The following FOXK1 variants were observed in gnomAD, a reference collection of about 807,000 sequenced individuals.
FOXK1 encodes forkhead box K1.
Under a neutral mutation model 51.9 loss-of-function variants are expected in FOXK1, and 19 were observed. The ratio of observed to expected loss-of-function variants is 0.37; its 90% CI spans 0.26 to 0.54. The LOEUF (loss-of-function observed/expected upper bound fraction) is 0.54, where lower values mean the gene tolerates loss of function less well. Ranked by LOEUF, FOXK1 falls within the 20% of genes least tolerant of loss-of-function variation. FOXK1 has a pLI of 0.87. For missense variants in FOXK1, 870 were observed against 1,032.7 expected (o/e 0.84, Z 2.16); for synonymous variants, 537 against 482.6 (o/e 1.11, Z -1.48).
intron 1 of FOXK1, among the ~76,000 whole-genome samples, chr7:4,701,160 GC>G (rs1274862352): frequency 6.6e-6 from 1 of 152,220 alleles, no homozygotes; most frequent in Non-Finnish European, 1.5e-5. Context: ...GCTCCCTGCG[GC>G]TGTGAAGGCT....
Position 4,682,497 on chromosome 7 carries a change from C to A in FOXK1, c.189C>A (p.Gly63=). 1 of 1,024,356 alleles carries A rather than the reference C, an allele frequency of 9.8e-7. No homozygotes were observed. The highest frequency in any genetic ancestry group is 1.2e-6 in the Non-Finnish European group (1 of 857,438). 63.5% of individuals were successfully genotyped at this position (1,024,356 alleles called of 1,614,324 possible). ...CGCCGCCACCGCCGCTGCCTCCGGGCGCGATCGCGGGCGCGGGCTCCTCCG... is the reference window on the plus strand; with the variant it reads ...CGCCGCCACCGCCGCTGCCTCCGGGAGCGATCGCGGGCGCGGGCTCCTCCG... The part of the protein sequence containing the change: ...PPPPPPPLPP[G]AIAGAGSSGG... The change falls in exon 1 of 9, where the codon GGC becomes GGA. Residue 63 remains glycine (G), a synonymous_variant. Coordinates refer to ENST00000328914, the MANE Select transcript of FOXK1 (RefSeq NM_001037165.2). The surrounding 1 kb of genome is among the most constrained non-coding windows in gnomAD (Gnocchi z 7.6).
chr7:4,705,488 G>A (rs759191274), intron 1 of FOXK1, among the ~76,000 whole-genome samples: 30 of 151,072 alleles, frequency 2.0e-4, no homozygotes, highest in Non-Finnish European at 3.4e-4. Context: ...GGCCTTAAGT[G>A]AGAATTCTTC....
intron 1 of FOXK1, among the ~76,000 whole-genome samples, chr7:4,737,293 C>T (rs1211408718): frequency 6.6e-6 from 1 of 152,216 alleles, no homozygotes; most frequent in Non-Finnish European, 1.5e-5. Context: ...AATAGGAGAA[C>T]ATGGTCTGTT....
chr7:4,759,538 G>T lies in FOXK1; in HGVS notation c.1639G>T (p.Gly547Trp). Residue 547 changes from glycine to tryptophan, a missense_variant, in exon 7 of 9, where the codon GGG becomes TGG. Physicochemically the swap from Gly to Trp is radical, Grantham distance 184. This residue lies in a region of FOXK1 where 457 missense variants were observed against 510.8 expected (regional missense o/e 0.89). Transcript: ENST00000328914. ...CATCCTCACCAGCCAGGGCGCGGCG[G>T]GGGGCTCCCATGATGCGGCGGGCGC... The part of the protein sequence containing the change: ...GYILTSQGAA[G>W]GSHDAAGAAV... 1 of 1,557,744 alleles carries T rather than the reference G, an allele frequency of 6.4e-7. No homozygotes were observed. The highest frequency in any genetic ancestry group is 2.4e-5 in the East Asian group (1 of 42,426).
At chr7:4,705,798 C>G (rs1340163933) in intron 1 of FOXK1, among the ~76,000 whole-genome samples, 2 of 150,706 alleles carry the variant, frequency 1.3e-5, no homozygotes, top group East Asian at 3.9e-4. Context: ...CTCAGCCTCT[C>G]AAAGTGGGAT....
rs1780723581 is a variant in FOXK1 at position 4,747,706 on chromosome 7, AT to A, written c.746+6689del. Among the ~76,000 whole-genome samples the A allele has an allele frequency of 6.6e-6, 1 of 150,782 alleles. No homozygotes were observed. Among genetic ancestry groups the A allele is most frequent in the Admixed American group, 6.6e-5 (1 of 15,136 alleles). The stretch of plus-strand genomic sequence containing the variant: ...ACCCACCACCACACACACCCAGCTC[AT>A]TTTTTATTTTCGTTGAGATGGTGTC... On this transcript the variant is annotated intron_variant, in intron 2 of 8. Transcript: ENST00000328914. This position sits in a 1 kb window ranked among gnomAD's most constrained non-coding sequence, Gnocchi z 9.2.
rs1374815542 is a variant in FOXK1, at chr7:4,743,572, A to G, written c.746+2549A>G. Among the ~76,000 whole-genome samples the G allele has an allele frequency of 5.9e-5, 9 of 152,202 alleles. No individual in the cohort carries two copies. The highest frequency in any genetic ancestry group is 4.4e-5 in the Non-Finnish European group (3 of 68,034). ...TTCTCAGTAAATAAATAAATGGTGAATTTTATGTTATGGGAATTGCATCTG... is the reference window on the plus strand; with the variant it reads ...TTCTCAGTAAATAAATAAATGGTGAGTTTTATGTTATGGGAATTGCATCTG... On this transcript the variant is annotated intron_variant, in intron 2 of 8. Coordinates refer to ENST00000328914, the MANE Select transcript of FOXK1 (RefSeq NM_001037165.2). This position sits in a 1 kb window ranked among gnomAD's most constrained non-coding sequence, Gnocchi z 5.3.
rs1780829792 is a variant in FOXK1, at chr7:4,755,140, C to T, written c.904-97C>T. ...CGGGTGCCGGCAAGACGCGCACATT[C>T]TCGTGGGAAGGTTCCTCCCCATCAG... On this transcript the variant is annotated intron_variant, in intron 3 of 8. Transcript: ENST00000328914. The surrounding 1 kb of genome is among the most constrained non-coding windows in gnomAD (Gnocchi z 6.6). The T allele has an allele frequency of 6.7e-7, 1 of 1,494,892 alleles. No homozygotes were observed. Among genetic ancestry groups the T allele is most frequent in the African/African-American group, 1.4e-5 (1 of 72,848 alleles). The allele number at this position is 1,494,892 out of a possible 1,614,324, so 92.6% of individuals were successfully genotyped here.
chr7:4,752,081 C>G lies in FOXK1; in HGVS notation c.747-2378C>G, dbSNP rs1780786706. On this transcript the variant is annotated intron_variant, in intron 2 of 8. Coordinates refer to ENST00000328914, the MANE Select transcript of FOXK1 (RefSeq NM_001037165.2). ...CATCTTCCTGCCTCAGCCTCCTGAA[C>G]AGCTGGAACTGCAGGTGTGCATTAC... Among the ~76,000 whole-genome samples, 3 of 152,126 alleles carry G rather than the reference C, an allele frequency of 2.0e-5. No homozygotes were observed. The South Asian group carries it at 6.2e-4, about 32-fold the overall frequency.
chr7:4,761,094 C>A lies in FOXK1; in HGVS notation c.1727C>A (p.Ala576Asp), dbSNP rs1373940205. 6.2e-7 allele frequency: 1 copy of A among 1,612,990 alleles called. No homozygotes were observed. The highest frequency in any genetic ancestry group is 8.5e-7 in the Non-Finnish European group (1 of 1,179,938). The change falls in exon 8 of 9, where the codon GCC becomes GAC. Residue 576 changes from alanine (A) to aspartate (D), a missense_variant. Transcript: ENST00000328914. The surrounding 1 kb of genome is among the most constrained non-coding windows in gnomAD (Gnocchi z 6.2). ...GLEEKPTIAF[A>D]TIPAAGGVIQ... ...GAGGAGAAACCCACCATTGCGTTTGCCACAATCCCCGCGGCTGGTGGAGTC... is the reference window on the plus strand; with the variant it reads ...GAGGAGAAACCCACCATTGCGTTTGACACAATCCCCGCGGCTGGTGGAGTC...
chr7:4,736,530 A>C (rs1780554521), intron 1 of FOXK1, among the ~76,000 whole-genome samples: 1 of 151,508 alleles, frequency 6.6e-6, no homozygotes, highest in Admixed American at 6.6e-5. Flanking sequence ...CTCCTGCCTC[A>C]GCCTCCCGAG....
Position 4,747,226 on chromosome 7 carries a change from T to C in FOXK1, c.746+6203T>C, listed in dbSNP as rs1221786741. 1.3e-5 allele frequency among the ~76,000 whole-genome samples: 2 copies of C among 152,298 alleles called. No homozygotes were observed. The highest frequency in any genetic ancestry group is 2.1e-4 in the South Asian group (1 of 4,824). On this transcript the variant is annotated intron_variant, in intron 2 of 8. Coordinates refer to ENST00000328914, the MANE Select transcript of FOXK1 (RefSeq NM_001037165.2). The surrounding 1 kb of genome is among the most constrained non-coding windows in gnomAD (Gnocchi z 9.2). ...GCTTGTGTGGAGTAGGCCTGTTGCA[T>C]GGCTTCTGTGCGGGCATGTTACGCA...
rs74974197 is a variant in FOXK1, at chr7:4,707,573, C to A, written c.560+24705C>A. Among the ~76,000 whole-genome samples the A allele has an allele frequency of 6.6e-6, 1 of 152,124 alleles. No homozygotes were observed. The highest frequency in any genetic ancestry group is 1.5e-5 in the Non-Finnish European group (1 of 68,032). ...GTGGGAGTCGGTGAATTGTCTCTTACGCCTTCCTTTCCGGGTTTTCCTGGA... is the reference window on the plus strand; with the variant it reads ...GTGGGAGTCGGTGAATTGTCTCTTAAGCCTTCCTTTCCGGGTTTTCCTGGA... On this transcript the variant is annotated intron_variant, in intron 1 of 8. Coordinates refer to ENST00000328914, the MANE Select transcript of FOXK1 (RefSeq NM_001037165.2). The surrounding 1 kb of genome is among the most constrained non-coding windows in gnomAD (Gnocchi z 4.1).
rs1781086785 is a variant in FOXK1, at chr7:4,770,758, A to T, written c.*8294A>T. ...AGATGACAAAGGCCGGCAGCTCAGC[A>T]CACGTGCAGGAGGGGTTAAAGCCAA... On this transcript the variant is annotated 3_prime_UTR_variant, in exon 9 of 9. Transcript: ENST00000328914. 6.6e-6 allele frequency: 1 copy of T among 151,960 alleles called. No individual in the cohort carries two copies. Among genetic ancestry groups the T allele is most frequent in the Admixed American group, 6.6e-5 (1 of 15,242 alleles). The allele number at this position is 151,960 out of a possible 1,614,324, so 9.4% of individuals were successfully genotyped here.
In FOXK1 at chr7:4,756,275, T is replaced by C. The variant is rs1316827656; in HGVS notation, c.1051-719T>C. The stretch of plus-strand genomic sequence containing the variant: ...GGCTACAGGTGCCCACCACCACACC[T>C]GGCTATTTTTTGTATTTTTAGTAGA... On this transcript the variant is annotated intron_variant, in intron 4 of 8. Coordinates refer to ENST00000328914, the MANE Select transcript of FOXK1 (RefSeq NM_001037165.2). The surrounding 1 kb of genome is among the most constrained non-coding windows in gnomAD (Gnocchi z 4.1). Among the ~76,000 whole-genome samples the C allele has an allele frequency of 6.6e-6, 1 of 152,064 alleles. No homozygotes were observed. Among genetic ancestry groups the C allele is most frequent in the African/African-American group, 2.4e-5 (1 of 41,432 alleles).
chr7:4,705,962 ATATATATATACGTATATATACG>A (rs1244102906), intron 1 of FOXK1, among the ~76,000 whole-genome samples: 1 of 105,882 alleles, frequency 9.4e-6, no homozygotes, highest in African/African-American at 7.1e-5. Context: ...ATATATATGT[ATATATATATACGTATATATACG>A]TATATATACG....
At position 4,735,544 on chromosome 7, in the gene FOXK1, C is replaced by T. The variant is rs187786433; in HGVS notation, c.561-5294C>T. ...TCCCACCCGTCACTCCAGCCCTAGG[C>T]AACCACTAAGCTCCTTTCTAAGTCG... On this transcript the variant is annotated intron_variant, in intron 1 of 8. Coordinates refer to ENST00000328914, the MANE Select transcript of FOXK1 (RefSeq NM_001037165.2). This position sits in a 1 kb window ranked among gnomAD's most constrained non-coding sequence, Gnocchi z 4.7. 8.1e-4 allele frequency among the ~76,000 whole-genome samples: 123 copies of T among 152,260 alleles called. 1 individual carries two copies. The highest frequency in any genetic ancestry group is 2.8e-3 in the African/African-American group (116 of 41,534).
intron 2 of FOXK1, among the ~76,000 whole-genome samples, chr7:4,751,908 T>C (rs1395997730): frequency 6.6e-6 from 1 of 152,248 alleles, no homozygotes; most frequent in Non-Finnish European, 1.5e-5. Context: ...CTTGAAATCA[T>C]TCTCTGGGGA....
intron 1 of FOXK1, among the ~76,000 whole-genome samples, chr7:4,706,143 G>C (rs1435239999): frequency 6.6e-6 from 1 of 151,436 alleles, no homozygotes; most frequent in African/African-American, 2.4e-5. Context: ...AAGCCACATA[G>C]AACTCTCCAC....
Sources: gnomAD v4.1 joint callset for allele counts (sites outside exome capture counted in the v4.1 genomes callset) on GRCh38, gnomAD v4.1.1 for gene constraint, gnomAD v4.1.1 regional missense constraint, Gnocchi (gnomAD v3.1) non-coding constraint, MANE v1.5 for transcripts, NCBI Gene and HGNC (gene_info 2026-07-23, HGNC 2026-07-21) for gene names.